Variants in ANK2 observed in about 807,000 individuals in gnomAD.
ANK2 encodes the protein ankyrin 2, also known as ankyrin-2.
ANK2 carries 83 observed loss-of-function variants against 360.5 expected under a neutral mutation model. The ratio of observed to expected loss-of-function variants is 0.23; its 90% CI spans 0.19 to 0.28. The LOEUF (loss-of-function observed/expected upper bound fraction) is 0.28, where lower values mean the gene tolerates loss of function less well. Among genes scored for constraint, ANK2 ranks in the 10% least tolerant of loss-of-function variants. The pLI, the probability that ANK2 is intolerant of heterozygous loss-of-function variation, is 1.00. For synonymous variants in ANK2, 1,740 were observed against 1,759.5 expected (o/e 0.99, Z 0.28); for missense variants, 4,201 against 4,795.7 (o/e 0.88, Z 3.66).
intron 37 of ANK2, 96 bp from the exon 38 acceptor site, chr4:113,352,949 C>T (rs2095511131): frequency 7.0e-7 from 1 of 1,424,640 alleles, no homozygotes; most frequent in South Asian, 1.3e-5. Flanking sequence ...ACCACCACCA[C>T]AGGAAAAGAC....
chr4:112,721,536 C>G, the ANK2 span, among the ~76,000 whole-genome samples: 1 of 117,872 alleles, frequency 8.5e-6, no homozygotes, highest in African/African-American at 3.4e-5. Context: ...AGCGAGACCC[C>G]ATCTCAAAAA....
chr4:113,364,128 C>T (rs1005953392), intron 40 of ANK2, among the ~76,000 whole-genome samples: 1 of 152,106 alleles, frequency 6.6e-6, no homozygotes, highest in Non-Finnish European at 1.5e-5. Context: ...AGATTTATTC[C>T]TTGATTGAAC....
At chr4:112,982,706 C>G (rs6845098) in intron 2 of ANK2, among the ~76,000 whole-genome samples, 2,541 of 152,064 alleles carry the variant, frequency 0.017, 72 homozygotes, top group African/African-American at 0.058. Flanking sequence ...CCAATCAATC[C>G]CTGTTGGAAG....
chr4:113,139,248 C>T (rs1449882039), intron 1 of ANK2, among the ~76,000 whole-genome samples: 2 of 152,180 alleles, frequency 1.3e-5, no homozygotes, highest in Non-Finnish European at 2.9e-5. Flanking sequence ...CCAAACTTTG[C>T]CCATTAACTG....
the ANK2 span, among the ~76,000 whole-genome samples, chr4:112,792,886 G>T: frequency 6.6e-6 from 1 of 152,032 alleles, no homozygotes; most frequent in African/African-American, 2.4e-5. Context: ...TTCTTTTATT[G>T]TTGTTTTATT....
intron 23 of ANK2, among the ~76,000 whole-genome samples, chr4:113,310,066 C>T (rs982879556): frequency 2.0e-5 from 3 of 152,110 alleles, no homozygotes; most frequent in African/African-American, 7.2e-5. Flanking sequence ...CCTTTTCTTT[C>T]TTCACCCTTA....
At chr4:112,974,192 G>T (rs2040567385) in intron 2 of ANK2, among the ~76,000 whole-genome samples, 1 of 152,186 alleles carries the variant, frequency 6.6e-6, no homozygotes, top group South Asian at 2.1e-4. Context: ...ATATTTTCAT[G>T]AACCTTCTCA....
chr4:113,274,221 A>G lies in ANK2; in HGVS notation c.1486-231A>G, dbSNP rs148932190. Among the ~76,000 whole-genome samples, 963 of 152,320 alleles carry G rather than the reference A, an allele frequency of 6.3e-3. 12 individuals carry two copies. The highest frequency in any genetic ancestry group is 7.6e-3 in the Non-Finnish European group (515 of 68,026). ...TTGAGAAATATTTCAGAAAGCAGTG[A>G]TCAAGTTCATGGAAGTATATGCTTT... On this transcript the variant is annotated intron_variant, in intron 14 of 45. Transcript: ENST00000357077.
the ANK2 span, among the ~76,000 whole-genome samples, chr4:112,708,172 C>T: frequency 6.6e-6 from 1 of 152,300 alleles, no homozygotes; most frequent in African/African-American, 2.4e-5. Context: ...TGTTGTTCTA[C>T]TAAGTGGTGA....
intron 1 of ANK2, chr4:112,827,421 A>G: frequency 7.2e-7 from 1 of 1,383,440 alleles, no homozygotes; most frequent in Non-Finnish European, 1.0e-6. Context: ...AGAAGAGACC[A>G]CTAGAACTTG....
chr4:113,134,160 C>G (rs1221159721), intron 1 of ANK2, among the ~76,000 whole-genome samples: 1 of 151,814 alleles, frequency 6.6e-6, no homozygotes, highest in Non-Finnish European at 1.5e-5. Flanking sequence ...CAACAGGAAT[C>G]TCTTGTTAGA....
At position 113,354,401 on chromosome 4, in the gene ANK2, T is replaced by G; in HGVS notation, c.5783T>G (p.Val1928Gly). 1.2e-6 allele frequency: 2 copies of G among 1,613,968 alleles called. No individual in the cohort carries two copies. The highest frequency in any genetic ancestry group is 2.2e-5 in the South Asian group (2 of 91,072). The change falls in exon 38 of 46, where the codon GTA (valine) becomes GGA (glycine). Residue 1928 changes from valine to glycine, a missense_variant. This residue lies in a region of ANK2 where 2,642 missense variants were observed against 2,714.5 expected (regional missense o/e 0.97). Transcript: ENST00000357077. Reference sequence around the variant, plus strand: ...GGGAGGACAGAAAAACACCCGCCAGTATCGCCTGGGAGAACAGAAAAACGC... The same window carrying G: ...GGGAGGACAGAAAAACACCCGCCAGGATCGCCTGGGAGAACAGAAAAACGC... ...PSGRTEKHPP[V>G]SPGRTEKRLP...
intron 2 of ANK2, among the ~76,000 whole-genome samples, chr4:113,001,106 G>A (rs1333514604): frequency 2.6e-5 from 4 of 151,956 alleles, no homozygotes; most frequent in East Asian, 3.9e-4. Flanking sequence ...AGGCTGAGGC[G>A]GGTGGATCAC....
At chr4:112,974,291 T>A (rs374697371) in intron 2 of ANK2, among the ~76,000 whole-genome samples, 1 of 152,204 alleles carries the variant, frequency 6.6e-6, no homozygotes, top group African/African-American at 2.4e-5. Flanking sequence ...CAATACAGAT[T>A]TAGCAAGAAA....
intron 1 of ANK2, among the ~76,000 whole-genome samples, chr4:113,130,194 G>A (rs182166726): frequency 1.3e-5 from 2 of 152,230 alleles, no homozygotes; most frequent in African/African-American, 4.8e-5. Flanking sequence ...TCCATAAGCA[G>A]CAGTTGCTCT....
chr4:113,173,001 C>T (rs1276063419), intron 1 of ANK2, among the ~76,000 whole-genome samples: 1 of 152,148 alleles, frequency 6.6e-6, no homozygotes, highest in African/African-American at 2.4e-5. Context: ...GTACAGACTT[C>T]AGGAAGGATG....
At chr4:112,854,244 T>G (rs1279949415) in intron 1 of ANK2, among the ~76,000 whole-genome samples, 2 of 150,064 alleles carry the variant, frequency 1.3e-5, no homozygotes, top group Admixed American at 6.6e-5. Context: ...TTGTGTAGAT[T>G]ATAGGATTGA....
At chr4:112,867,450 A>G (rs1020063195) in intron 1 of ANK2, among the ~76,000 whole-genome samples, 1 of 152,076 alleles carries the variant, frequency 6.6e-6, no homozygotes, top group African/African-American at 2.4e-5. Context: ...TTTAAAGTGT[A>G]TAATTCAGTG....
In ANK2 at chr4:112,829,491, C is replaced by CAAAAAAAAAAAAA. The variant is rs60272903; in HGVS notation, c.-40+11234_-40+11246dup. ...GCAACATAGTATGAGCCCATCTCTA[C>CAAAAAAAAAAAAA]AAAAAAAAAAAAAAAAAAAGGAAGG... On this transcript the variant is annotated intron_variant, in intron 1 of 30. Coordinates refer to the ANK2 transcript ENST00000503271. Among the ~76,000 whole-genome samples the CAAAAAAAAAAAAA allele has an allele frequency of 1.8e-4, 11 of 60,724 alleles. 1 individual carries two copies. Among genetic ancestry groups the CAAAAAAAAAAAAA allele is most frequent in the South Asian group, 1.5e-3 (3 of 1,980 alleles). 39.8% of individuals were successfully genotyped at this position (60,724 alleles called of 152,430 possible). A position where few individuals can be genotyped will look rare whatever the true frequency, so the allele number is the denominator to read the frequency against.
Sources: gnomAD v4.1 joint callset for allele counts (sites outside exome capture counted in the v4.1 genomes callset) on GRCh38, gnomAD v4.1.1 for gene constraint, gnomAD v4.1.1 regional missense constraint, MANE v1.5 for transcripts, NCBI Gene and HGNC (gene_info 2026-07-23, HGNC 2026-07-21) for gene names.